NSMCE3: variants seen among roughly 807,000 people sequenced by gnomAD.
NSMCE3 encodes the protein non-structural maintenance of chromosomes element 3 homolog.
For synonymous variants in NSMCE3, 214 were observed against 172.2 expected (o/e 1.24, Z -1.90); for missense variants, 452 against 399.5 (o/e 1.13, Z -1.12).
chr15:29,266,895 G>A lies in NSMCE3; in HGVS notation c.*1896C>T, dbSNP rs950880146. The A allele has an allele frequency of 1.3e-5, 2 of 152,134 alleles. No homozygotes were observed. Among genetic ancestry groups the A allele is most frequent in the Non-Finnish European group, 2.9e-5 (2 of 68,022 alleles). 9.4% of individuals were successfully genotyped at this position (152,134 alleles called of 1,614,324 possible). A position where few individuals can be genotyped will look rare whatever the true frequency, so the allele number is the denominator to read the frequency against. On this transcript the variant is annotated 3_prime_UTR_variant, in exon 1 of 1. Transcript: ENST00000332303. ...CTAACACCTCTGAGAAAAGCGGGGG[G>A]AATTTTGCCTCAGATATAACTGGTG...
chr15:29,265,026 G>A lies in NSMCE3; in HGVS notation c.*3765C>T, dbSNP rs1329725888. 1 of 151,962 alleles carries A rather than the reference G, an allele frequency of 6.6e-6. No individual in the cohort carries two copies. The highest frequency in any genetic ancestry group is 1.5e-5 in the Non-Finnish European group (1 of 67,980). The allele number at this position is 151,962 out of a possible 1,614,324, so 9.4% of individuals were successfully genotyped here. Reference sequence around the variant, plus strand: ...ATAAGACATTTTAATCATATTAGCAGGTAAATAAAGAGCATATATACATCC... The same window carrying A: ...ATAAGACATTTTAATCATATTAGCAAGTAAATAAAGAGCATATATACATCC... On this transcript the variant is annotated 3_prime_UTR_variant, in exon 1 of 1. Coordinates refer to ENST00000332303, the MANE Select transcript of NSMCE3 (RefSeq NM_138704.4).
Position 29,267,831 on chromosome 15 carries a change from T to C in NSMCE3, c.*960A>G, listed in dbSNP as rs550408737. The C allele has an allele frequency of 6.6e-6, 1 of 152,204 alleles. No homozygotes were observed. Among genetic ancestry groups the C allele is most frequent in the Non-Finnish European group, 1.5e-5 (1 of 68,042 alleles). The allele number at this position is 152,204 out of a possible 1,614,324, so 9.4% of individuals were successfully genotyped here. A position where few individuals can be genotyped will look rare whatever the true frequency, so the allele number is the denominator to read the frequency against. ...TCCACATCACGGACTAAAACCATTT[T>C]ACAGGTCAAGAAACATCTGCATACA... On this transcript the variant is annotated 3_prime_UTR_variant, in exon 1 of 1. Coordinates refer to ENST00000332303, the MANE Select transcript of NSMCE3 (RefSeq NM_138704.4).
In NSMCE3 at chr15:29,269,682, C is replaced by G. The variant is rs754670028; in HGVS notation, c.24G>C (p.Arg8=). Reference sequence around the variant, plus strand: ...TCTCGGCCTGGCCGCCAGAGCGGCCCCGGTTCCTCGGTTTTTGCAACATGT... The same window carrying G: ...TCTCGGCCTGGCCGCCAGAGCGGCCGCGGTTCCTCGGTTTTTGCAACATGT... MLQKPRN[R]GRSGGQAERD... The change falls in exon 1 of 1, where the codon CGG becomes CGC. Residue 8 remains arginine, a synonymous_variant. Transcript: ENST00000332303. 1 of 1,554,552 alleles carries G rather than the reference C, an allele frequency of 6.4e-7. No individual in the cohort carries two copies.
At position 29,266,666 on chromosome 15, in the gene NSMCE3, A is replaced by G. The variant is rs1232484532; in HGVS notation, c.*2125T>C. 1.3e-5 allele frequency: 2 copies of G among 152,222 alleles called. No individual in the cohort carries two copies. The highest frequency in any genetic ancestry group is 1.3e-4 in the Admixed American group (2 of 15,284). The allele number at this position is 152,222 out of a possible 1,614,324, so 9.4% of individuals were successfully genotyped here. On this transcript the variant is annotated 3_prime_UTR_variant, in exon 1 of 1. Coordinates refer to ENST00000332303, the MANE Select transcript of NSMCE3 (RefSeq NM_138704.4). ...GGACACACGTAACACCGCTTATATA[A>G]ATCATGAAAGCCCACAAAATAAAAC...
At position 29,266,963 on chromosome 15, in the gene NSMCE3, G is replaced by C. The variant is rs960622611; in HGVS notation, c.*1828C>G. ...ATTTTTATTATACAGGTGAGAATGC[G>C]AGTATCAGAGGGCATGAGGAGGAGA... On this transcript the variant is annotated 3_prime_UTR_variant, in exon 1 of 1. Transcript: ENST00000332303. 6.6e-6 allele frequency: 1 copy of C among 152,218 alleles called. No individual in the cohort carries two copies. The highest frequency in any genetic ancestry group is 1.5e-5 in the Non-Finnish European group (1 of 68,040). 9.4% of individuals were successfully genotyped at this position (152,218 alleles called of 1,614,324 possible). A position where few individuals can be genotyped will look rare whatever the true frequency, so the allele number is the denominator to read the frequency against.
chr15:29,266,166 GGAGT>G lies in NSMCE3; in HGVS notation c.*2621_*2624del, dbSNP rs1352625171. On this transcript the variant is annotated 3_prime_UTR_variant, in exon 1 of 1. Coordinates refer to ENST00000332303, the MANE Select transcript of NSMCE3 (RefSeq NM_138704.4). ...AGACATGAAATCTGACACTCAAAAA[GGAGT>G]GAGAGCAAAAGATAGGCAGATACTT... 6 of 152,168 alleles carry G rather than the reference GGAGT, an allele frequency of 3.9e-5. No individual in the cohort carries two copies. The highest frequency in any genetic ancestry group is 1.4e-4 in the African/African-American group (6 of 41,436). 9.4% of individuals were successfully genotyped at this position (152,168 alleles called of 1,614,324 possible). A position where few individuals can be genotyped will look rare whatever the true frequency, so the allele number is the denominator to read the frequency against.
Position 29,265,940 on chromosome 15 carries a change from TA to T in NSMCE3, c.*2850del, listed in dbSNP as rs1291441887. 6.6e-6 allele frequency: 1 copy of T among 152,162 alleles called. No homozygotes were observed. The highest frequency in any genetic ancestry group is 2.4e-5 in the African/African-American group (1 of 41,420). 9.4% of individuals were successfully genotyped at this position (152,162 alleles called of 1,614,324 possible). On this transcript the variant is annotated 3_prime_UTR_variant, in exon 1 of 1. Transcript: ENST00000332303. ...GAAAACATATTTACAATTTTAGGAT[TA>T]GGGGAATTTTTTAAAGCACTATACA...
In NSMCE3 at chr15:29,269,494, G is replaced by A. The variant is rs1353470322; in HGVS notation, c.212C>T (p.Ala71Val). ...QGPSPQGARRAQAAPAVGPRS... is the reference protein window; with the variant it reads ...QGPSPQGARRVQAAPAVGPRS... ...GGGCCCCACGGCGGGGGCGGCCTGG[G>A]CCCGGCGGGCGCCCTGAGGCGAGGG... Residue 71 changes from alanine to valine, a missense_variant, in exon 1 of 1, where the codon GCC becomes GTC. Transcript: ENST00000332303. 1 of 1,608,096 alleles carries A rather than the reference G, an allele frequency of 6.2e-7. No individual in the cohort carries two copies. Among genetic ancestry groups the A allele is most frequent in the African/African-American group, 1.3e-5 (1 of 74,694 alleles).
rs2043490806 is a variant in NSMCE3 at position 29,266,869 on chromosome 15, G to A, written c.*1922C>T. 1 of 152,116 alleles carries A rather than the reference G, an allele frequency of 6.6e-6. No homozygotes were observed. Among genetic ancestry groups the A allele is most frequent in the South Asian group, 2.1e-4 (1 of 4,824 alleles). 9.4% of individuals were successfully genotyped at this position (152,116 alleles called of 1,614,324 possible). On this transcript the variant is annotated 3_prime_UTR_variant, in exon 1 of 1. Coordinates refer to ENST00000332303, the MANE Select transcript of NSMCE3 (RefSeq NM_138704.4). ...GAAACAAGATTATCGATGGTAAATT[G>A]CTAACACCTCTGAGAAAAGCGGGGG...
In NSMCE3 at chr15:29,268,715, C is replaced by G. The variant is rs1481071580; in HGVS notation, c.*76G>C. On this transcript the variant is annotated 3_prime_UTR_variant, in exon 1 of 1. Coordinates refer to ENST00000332303, the MANE Select transcript of NSMCE3 (RefSeq NM_138704.4). ...CAGCAATATGCTCCCTGGGTTCGTT[C>G]TCCCTTCCCCCAATCCTCTAAACTG... The G allele has an allele frequency of 2.0e-6, 3 of 1,464,548 alleles. No homozygotes were observed. The African/African-American group carries it at 4.2e-5, about 21-fold the overall frequency. The allele number at this position is 1,464,548 out of a possible 1,614,324, so 90.7% of individuals were successfully genotyped here.
Position 29,268,833 on chromosome 15 carries a change from G to C in NSMCE3, c.873C>G (p.Asn291Lys). 1.2e-6 allele frequency: 2 copies of C among 1,614,020 alleles called. No homozygotes were observed. Among genetic ancestry groups the C allele is most frequent in the Non-Finnish European group, 1.7e-6 (2 of 1,179,940 alleles). Reference sequence around the variant, plus strand: ...GGCCACTAGGCTGAGGTCTGGCCCTGTTCTCCTCATCTGCCAAAGCCTCAC... The same window carrying C: ...GGCCACTAGGCTGAGGTCTGGCCCTCTTCTCCTCATCTGCCAAAGCCTCAC... ...QYCEALADEE[N>K]RARPQPSGPA... The change falls in exon 1 of 1, where the codon AAC becomes AAG. Residue 291 changes from asparagine (N) to lysine (K), a missense_variant. Transcript: ENST00000332303.
chr15:29,266,659 T>A lies in NSMCE3; in HGVS notation c.*2132A>T, dbSNP rs1329072292. On this transcript the variant is annotated 3_prime_UTR_variant, in exon 1 of 1. Coordinates refer to ENST00000332303, the MANE Select transcript of NSMCE3 (RefSeq NM_138704.4). ...TGCATAAGGACACACGTAACACCGC[T>A]TATATAAATCATGAAAGCCCACAAA... is the stretch of plus-strand genomic sequence containing the variant. The A allele has an allele frequency of 6.6e-6, 1 of 152,224 alleles. No individual in the cohort carries two copies. The highest frequency in any genetic ancestry group is 2.4e-5 in the African/African-American group (1 of 41,450). The allele number at this position is 152,224 out of a possible 1,614,324, so 9.4% of individuals were successfully genotyped here.
rs1186478374 is a variant in NSMCE3, at chr15:29,267,380, C to T, written c.*1411G>A. 1 of 152,198 alleles carries T rather than the reference C, an allele frequency of 6.6e-6. No homozygotes were observed. The highest frequency in any genetic ancestry group is 2.4e-5 in the African/African-American group (1 of 41,458). 9.4% of individuals were successfully genotyped at this position (152,198 alleles called of 1,614,324 possible). A position where few individuals can be genotyped will look rare whatever the true frequency, so the allele number is the denominator to read the frequency against. ...TGGAGGAACACAATGGGACTATGAA[C>T]TCTTCTAGTTCATTTAGTGCATAAA... On this transcript the variant is annotated 3_prime_UTR_variant, in exon 1 of 1. Coordinates refer to ENST00000332303, the MANE Select transcript of NSMCE3 (RefSeq NM_138704.4).
chr15:29,265,705 A>G lies in NSMCE3; in HGVS notation c.*3086T>C, dbSNP rs1396019017. On this transcript the variant is annotated 3_prime_UTR_variant, in exon 1 of 1. Transcript: ENST00000332303. ...ATAGCAAATAAACCAATTCAGTCCT[A>G]GCCATAAATTTATCTATACATGGGA... 1 of 152,242 alleles carries G rather than the reference A, an allele frequency of 6.6e-6. No individual in the cohort carries two copies. The highest frequency in any genetic ancestry group is 2.4e-5 in the African/African-American group (1 of 41,458). 9.4% of individuals were successfully genotyped at this position (152,242 alleles called of 1,614,324 possible).
Position 29,269,741 on chromosome 15 carries a change from G to A in NSMCE3, c.-36C>T, listed in dbSNP as rs1301585814. ...GCAGGTGCCGGCGCACACTCCGGTA[G>A]GCAAGCAGCCGCGGCGGGGATTGCG... On this transcript the variant is annotated 5_prime_UTR_variant, in exon 1 of 1. Coordinates refer to ENST00000332303, the MANE Select transcript of NSMCE3 (RefSeq NM_138704.4). The A allele has an allele frequency of 4.8e-6, 7 of 1,449,774 alleles. No homozygotes were observed. Among genetic ancestry groups the A allele is most frequent in the Non-Finnish European group, 6.3e-6 (7 of 1,107,602 alleles). 89.8% of individuals were successfully genotyped at this position (1,449,774 alleles called of 1,614,324 possible). A position where few individuals can be genotyped will look rare whatever the true frequency, so the allele number is the denominator to read the frequency against.
Position 29,268,595 on chromosome 15 carries a change from T to C in NSMCE3, c.*196A>G. On this transcript the variant is annotated 3_prime_UTR_variant, in exon 1 of 1. Transcript: ENST00000332303. ...GAGTAAAATCAAAACAAATGCTCCT[T>C]TGTTTATAGATGAAAATCTGGAGCA... The C allele has an allele frequency of 3.9e-6, 2 of 510,166 alleles. No homozygotes were observed. The highest frequency in any genetic ancestry group is 5.2e-5 in the South Asian group (1 of 19,114). The allele number at this position is 510,166 out of a possible 1,614,324, so 31.6% of individuals were successfully genotyped here.
Position 29,269,502 on chromosome 15 carries a change from G to T in NSMCE3, c.204C>A (p.Ala68=), listed in dbSNP as rs541192196. ...QGSQGPSPQG[A]RRAQAAPAVG... ...CGGCGGGGGCGGCCTGGGCCCGGCGGGCGCCCTGAGGCGAGGGGCCCTGCG... is the reference window on the plus strand; with the variant it reads ...CGGCGGGGGCGGCCTGGGCCCGGCGTGCGCCCTGAGGCGAGGGGCCCTGCG... The change falls in exon 1 of 1, where the codon GCC becomes GCA. Residue 68 remains alanine, a synonymous_variant. Transcript: ENST00000332303. 3.6e-5 allele frequency: 57 copies of T among 1,601,042 alleles called. No homozygotes were observed. The South Asian group carries it at 4.9e-4, about 14-fold the overall frequency.
In NSMCE3 at chr15:29,266,142, G is replaced by C. The variant is rs532893615; in HGVS notation, c.*2649C>G. 8 of 152,294 alleles carry C rather than the reference G, an allele frequency of 5.3e-5. No individual in the cohort carries two copies. The highest frequency in any genetic ancestry group is 1.9e-4 in the African/African-American group (8 of 41,556). 9.4% of individuals were successfully genotyped at this position (152,294 alleles called of 1,614,324 possible). On this transcript the variant is annotated 3_prime_UTR_variant, in exon 1 of 1. Transcript: ENST00000332303. The stretch of plus-strand genomic sequence containing the variant: ...TACAAATCAATAGAAATAGGTCTAA[G>C]ACATGAAATCTGACACTCAAAAAGG...
In NSMCE3 at chr15:29,269,358, G is replaced by A. The variant is rs897258267; in HGVS notation, c.348C>T (p.Ile116=). The change falls in exon 1 of 1, where the codon ATC becomes ATT. Residue 116 remains isoleucine (I), a synonymous_variant. Coordinates refer to ENST00000332303, the MANE Select transcript of NSMCE3 (RefSeq NM_138704.4). ...IKRADILKHV[I]GDYKDIFPDL... is the part of the protein sequence containing the mutation. Reference sequence around the variant, plus strand: ...CGGGGAAGATGTCCTTGTAGTCCCCGATGACGTGCTTCAGTATGTCGGCCC... The same window carrying A: ...CGGGGAAGATGTCCTTGTAGTCCCCAATGACGTGCTTCAGTATGTCGGCCC... 2.5e-6 allele frequency: 4 copies of A among 1,614,168 alleles called. No individual in the cohort carries two copies. Among genetic ancestry groups the A allele is most frequent in the Middle Eastern group, 1.6e-4 (1 of 6,062 alleles).
Sources: gnomAD v4.1 joint callset for allele counts on GRCh38, gnomAD v4.1.1 for gene constraint, MANE v1.5 for transcripts, NCBI Gene and HGNC (gene_info 2026-07-23, HGNC 2026-07-21) for gene names.